RTL4: variants seen among roughly 807,000 people sequenced by gnomAD.
The protein encoded by RTL4 is retrotransposon Gag like 4.
RTL4 carries 4 observed loss-of-function variants against 5.3 expected under a neutral mutation model. The ratio of observed to expected loss-of-function variants is 0.75; its 90% confidence interval spans 0.37 to 1.72. RTL4 has a LOEUF of 1.72. RTL4 is among the 40% of genes most tolerant of loss of function. RTL4 has a pLI of 0.04. For synonymous variants in RTL4, 98 were observed against 87.3 expected, an observed-to-expected ratio of 1.12 and a Z score of -0.68; for missense variants, 260 against 227.1, an observed-to-expected ratio of 1.14 and a Z score of -0.93.
At chrX:112,234,406 C>G in the RTL4 span, among the ~76,000 whole-genome samples, 1 of 110,960 alleles carries the variant, frequency 9.0e-6, no homozygotes, top group Non-Finnish European at 1.9e-5. Context: ...AGTCTGAGAA[C>G]TGACCCTGGA....
the RTL4 span, among the ~76,000 whole-genome samples, chrX:112,393,368 C>T: frequency 9.1e-6 from 1 of 109,807 alleles, no homozygotes; most frequent in South Asian, 3.9e-4. Context: ...CTTCTGCCCC[C>T]AATCAGCTGG....
the RTL4 span, among the ~76,000 whole-genome samples, chrX:112,414,531 T>C: frequency 9.0e-6 from 1 of 111,630 alleles, no homozygotes; most frequent in Non-Finnish European, 1.9e-5. Context: ...TTCTTTCTTT[T>C]TGAAATGTCT....
chrX:112,219,070 A>T, the RTL4 span, among the ~76,000 whole-genome samples: 5 of 111,968 alleles, frequency 4.5e-5, no homozygotes, highest in Admixed American at 4.8e-4. Context: ...TAGGCCTCTT[A>T]TAATGGTACA....
At chrX:112,309,036 G>A in the RTL4 span, among the ~76,000 whole-genome samples, 2 of 111,796 alleles carry the variant, frequency 1.8e-5, no homozygotes, top group Non-Finnish European at 3.8e-5. Context: ...TTTGAGGAAA[G>A]GGAAGTTATT....
the RTL4 span, among the ~76,000 whole-genome samples, chrX:112,176,211 G>A: frequency 1.5e-4 from 17 of 111,614 alleles, no homozygotes; most frequent in Middle Eastern, 4.6e-3. Flanking sequence ...ACCACTGCTC[G>A]ATGAAATAAA....
the RTL4 span, among the ~76,000 whole-genome samples, chrX:112,219,416 T>C: frequency 1.8e-5 from 2 of 112,458 alleles, no homozygotes; most frequent in East Asian, 5.6e-4. Context: ...ACATGTGGTT[T>C]AATAAATATT....
the RTL4 span, among the ~76,000 whole-genome samples, chrX:112,197,380 C>T: frequency 2.7e-5 from 3 of 110,669 alleles, no homozygotes; most frequent in Admixed American, 1.9e-4. Context: ...AAATTCTCAG[C>T]TTCTTGCTTG....
At chrX:112,326,738 G>GT in the RTL4 span, among the ~76,000 whole-genome samples, 4 of 111,971 alleles carry the variant, frequency 3.6e-5, no homozygotes, top group East Asian at 1.1e-3. Context: ...AGTAACCTCT[G>GT]CAGACTTAAA....
chrX:112,256,892 AG>A, the RTL4 span, among the ~76,000 whole-genome samples: 1 of 111,910 alleles, frequency 8.9e-6, no homozygotes, highest in Non-Finnish European at 1.9e-5. Context: ...TAGTTATAAA[AG>A]CTTGTAGTTT....
At chrX:112,409,565 C>CA in the RTL4 span, among the ~76,000 whole-genome samples, 15,540 of 108,250 alleles carry the variant, frequency 0.14, 1,029 homozygotes, top group East Asian at 0.26. Flanking sequence ...ACTAAAAATA[C>CA]AAAAAATTAC....
the RTL4 span, among the ~76,000 whole-genome samples, chrX:112,316,030 G>A: frequency 7.1e-5 from 8 of 112,059 alleles, no homozygotes; most frequent in African/African-American, 2.3e-4. Context: ...TCTTTGGAAT[G>A]GCTGTACCAA....
chrX:112,223,264 G>A, the RTL4 span, among the ~76,000 whole-genome samples: 2 of 111,623 alleles, frequency 1.8e-5, no homozygotes, highest in Non-Finnish European at 3.8e-5. Flanking sequence ...GAAACAACTG[G>A]GCTTGTATTT....
chrX:112,368,541 G>T, the RTL4 span, among the ~76,000 whole-genome samples: 1 of 111,060 alleles, frequency 9.0e-6, no homozygotes, highest in Non-Finnish European at 1.9e-5. Context: ...GCAATGTCTG[G>T]AGACATTTTG....
At chrX:112,272,206 A>C in the RTL4 span, among the ~76,000 whole-genome samples, 5 of 112,605 alleles carry the variant, frequency 4.4e-5, no homozygotes, top group East Asian at 2.8e-4. Flanking sequence ...TGAACAATTA[A>C]AAATTGTGGT....
At chrX:112,288,814 T>A in the RTL4 span, among the ~76,000 whole-genome samples, 1 of 111,529 alleles carries the variant, frequency 9.0e-6, no homozygotes, top group African/African-American at 3.3e-5. Context: ...TTAAGCTCTA[T>A]TAGAAGTGTG....
At chrX:112,345,517 C>T in the RTL4 span, among the ~76,000 whole-genome samples, 16 of 111,050 alleles carry the variant, frequency 1.4e-4, no homozygotes, top group African/African-American at 4.3e-4. Context: ...CCAACCTGGA[C>T]CTATTTGTAC....
chrX:112,414,182 T>C, the RTL4 span, among the ~76,000 whole-genome samples: 35 of 111,418 alleles, frequency 3.1e-4, no homozygotes, highest in African/African-American at 1.1e-3. Context: ...CCCCACTTTT[T>C]TTTGTTGTTG....
the RTL4 span, among the ~76,000 whole-genome samples, chrX:112,166,269 T>C: frequency 8.9e-6 from 1 of 111,938 alleles, no homozygotes. Context: ...GGTTCCCTTT[T>C]TCATTTCCTA....
At chrX:112,413,691 A>G in the RTL4 span, among the ~76,000 whole-genome samples, 1 of 111,114 alleles carries the variant, frequency 9.0e-6, no homozygotes, top group South Asian at 3.8e-4. Flanking sequence ...GGATGGTGAC[A>G]AGAGGCTGGG....
Sources: allele counts gnomAD v4.1 joint callset (sites outside exome capture counted in the v4.1 genomes callset), GRCh38; gene constraint gnomAD v4.1.1; transcripts MANE v1.5; gene names NCBI Gene and HGNC (gene_info 2026-07-23, HGNC 2026-07-21).